EMILIN2: variants seen among roughly 807,000 people sequenced by gnomAD.
EMILIN2 encodes the protein EMILIN-2.
A neutral mutation model predicts 87.1 loss-of-function variants in EMILIN2; 71 were observed. That is an observed-to-expected ratio of 0.82 (90% CI 0.67 to 0.99). The LOEUF (loss-of-function observed/expected upper bound fraction) is 0.99, where lower values mean the gene tolerates loss of function less well. EMILIN2 is among the 50% of genes least tolerant of loss of function. EMILIN2 has a pLI of 0.00. For synonymous variants in EMILIN2, 581 were observed against 563.4 expected, an observed-to-expected ratio of 1.03 and a Z score of -0.44; for missense variants, 1,407 against 1,371.8, an observed-to-expected ratio of 1.03 and a Z score of -0.40.
intron 2 of EMILIN2, 22 bp from the exon 3 acceptor site, chr18:2,884,942 A>C: frequency 6.4e-7 from 1 of 1,559,482 alleles, no homozygotes; most frequent in Non-Finnish European, 8.7e-7. Flanking sequence ...GTAAAGAGAG[A>C]TGCCATCCCT....
At chr18:2,858,739 G>A (rs1432888590) in intron 2 of EMILIN2, among the ~76,000 whole-genome samples, 1 of 150,930 alleles carries the variant, frequency 6.6e-6, no homozygotes, top group Non-Finnish European at 1.5e-5. Context: ...GAGTTCAAAT[G>A]ATTGTCCCAC....
At chr18:2,871,974 A>C (rs529918655) in intron 2 of EMILIN2, among the ~76,000 whole-genome samples, 30 of 152,296 alleles carry the variant, frequency 2.0e-4, no homozygotes, top group Middle Eastern at 3.4e-3. Context: ...AAATGTTATA[A>C]ATCTTAGTTG....
chr18:2,862,544 C>G (rs545653478), intron 2 of EMILIN2, among the ~76,000 whole-genome samples: 19 of 152,308 alleles, frequency 1.2e-4, no homozygotes, highest in African/African-American at 4.6e-4. Context: ...ATATGTTGAA[C>G]CAGCCTTGCA....
chr18:2,888,724 AAAAAAAAG>A (rs1673419485), intron 3 of EMILIN2, among the ~76,000 whole-genome samples: 1 of 151,648 alleles, frequency 6.6e-6, no homozygotes, highest in South Asian at 2.1e-4. Flanking sequence ...CAAAAAAAAA[AAAAAAAAG>A]AGAGAGAGAG....
In EMILIN2 at chr18:2,847,920, G is replaced by T. The variant is rs2143940640; in HGVS notation, c.246G>T (p.Pro82=). 1.2e-6 allele frequency: 2 copies of T among 1,611,096 alleles called. No homozygotes were observed. The highest frequency in any genetic ancestry group is 1.7e-6 in the Non-Finnish European group (2 of 1,179,478). ...GTGCCTGGAACCAGATGCCCTGTCC[G>T]TCGGCGCTGGTGTAAGTCCTGGAGC... ...YNCAWNQMPC[P]SALVYRVNFR... Residue 82 remains proline (P), a synonymous_variant, in exon 2 of 8, where the codon CCG becomes CCT. Transcript: ENST00000254528. This position sits in a 1 kb window ranked among gnomAD's most constrained non-coding sequence, Gnocchi z 4.5.
At position 2,847,989 on chromosome 18, in the gene EMILIN2, G is replaced by T; in HGVS notation, c.257+58G>T. Reference sequence around the variant, plus strand: ...CGCCCGGGCCGGGGCGGTGGGGGTGGGGTGGGGTTGCTGCGCTGGGCTCCA... The same window carrying T: ...CGCCCGGGCCGGGGCGGTGGGGGTGTGGTGGGGTTGCTGCGCTGGGCTCCA... On this transcript the variant is annotated intron_variant, in intron 2 of 7. Coordinates refer to ENST00000254528, the MANE Select transcript of EMILIN2 (RefSeq NM_032048.3). The surrounding 1 kb of genome is among the most constrained non-coding windows in gnomAD (Gnocchi z 4.5). 6.6e-7 allele frequency: 1 copy of T among 1,504,336 alleles called. No individual in the cohort carries two copies. Among genetic ancestry groups the T allele is most frequent in the South Asian group, 1.2e-5 (1 of 80,054 alleles). The allele number at this position is 1,504,336 out of a possible 1,614,324, so 93.2% of individuals were successfully genotyped here.
Position 2,913,688 on chromosome 18 carries a change from G to C in EMILIN2, c.*284G>C, listed in dbSNP as rs2076953597. On this transcript the variant is annotated 3_prime_UTR_variant, in exon 8 of 8. Transcript: ENST00000254528. ...CTGTATCTACACTCTGAGGGCCCTG[G>C]ACTGGGCCTGAGCTTGCCACAGAGG... is the stretch of plus-strand genomic sequence containing the variant. 5.5e-6 allele frequency: 2 copies of C among 366,500 alleles called. No homozygotes were observed. The highest frequency in any genetic ancestry group is 4.5e-5 in the Admixed American group (1 of 22,248). 22.7% of individuals were successfully genotyped at this position (366,500 alleles called of 1,614,324 possible). A position where few individuals can be genotyped will look rare whatever the true frequency, so the allele number is the denominator to read the frequency against.
At chr18:2,877,983 G>T (rs1016768125) in intron 2 of EMILIN2, among the ~76,000 whole-genome samples, 1 of 152,186 alleles carries the variant, frequency 6.6e-6, no homozygotes, top group Non-Finnish European at 1.5e-5. Context: ...GCACTCAAAT[G>T]AGGTATAAGA....
At chr18:2,900,620 G>A (rs757884656) in intron 4 of EMILIN2, among the ~76,000 whole-genome samples, 11 of 152,066 alleles carry the variant, frequency 7.2e-5, no homozygotes, top group Non-Finnish European at 1.2e-4. Flanking sequence ...CTCCTGTCCC[G>A]CAGGGGAGAC....
Position 2,913,076 on chromosome 18 carries a change from CG to C in EMILIN2, c.2836del (p.Ala946LeufsTer8), listed in dbSNP as rs2076949318. 1 of 1,609,480 alleles carries C rather than the reference CG, an allele frequency of 6.2e-7. No individual in the cohort carries two copies. Among genetic ancestry groups the C allele is most frequent in the Non-Finnish European group, 8.5e-7 (1 of 1,179,968 alleles). ...DVYNPSTGVFTAPYDGRYLIT... is the reference protein window; with the variant it reads ...DVYNPSTGVFXAPYDGRYLIT... ...GCCTTTCTCCCCGCAGGGGTCTTCA[CG>C]GCTCCTTATGATGGGCGCTACCTGA... On this transcript the variant is annotated frameshift_variant, in exon 8 of 8. Coordinates refer to ENST00000254528, the MANE Select transcript of EMILIN2 (RefSeq NM_032048.3). LOFTEE classifies it high-confidence loss of function.
In EMILIN2 at chr18:2,913,524, A is replaced by C; in HGVS notation, c.*120A>C. ...GAGTTTCCACATAGGCCCCAACATAAAGGCCTTCCCTCGCTGTTGAGGCCA... is the reference window on the plus strand; with the variant it reads ...GAGTTTCCACATAGGCCCCAACATACAGGCCTTCCCTCGCTGTTGAGGCCA... On this transcript the variant is annotated 3_prime_UTR_variant, in exon 8 of 8. Coordinates refer to ENST00000254528, the MANE Select transcript of EMILIN2 (RefSeq NM_032048.3). The C allele has an allele frequency of 3.8e-6, 3 of 791,732 alleles. No homozygotes were observed. Among genetic ancestry groups the C allele is most frequent in the Non-Finnish European group, 3.9e-6 (2 of 513,046 alleles). 49.0% of individuals were successfully genotyped at this position (791,732 alleles called of 1,614,324 possible).
chr18:2,877,785 A>G (rs1228040734), intron 2 of EMILIN2, among the ~76,000 whole-genome samples: 1 of 151,850 alleles, frequency 6.6e-6, no homozygotes, highest in Non-Finnish European at 1.5e-5. Context: ...CTCAAAAAAA[A>G]AAAAAAAGAA....
At chr18:2,909,248 C>T (rs1367227958) in intron 6 of EMILIN2, among the ~76,000 whole-genome samples, 1 of 152,224 alleles carries the variant, frequency 6.6e-6, no homozygotes, top group Non-Finnish European at 1.5e-5. Flanking sequence ...CCAAGGGGAT[C>T]ACTGGGTGGG....
chr18:2,849,391 A>G (rs1338771355), intron 2 of EMILIN2, among the ~76,000 whole-genome samples: 1 of 152,238 alleles, frequency 6.6e-6, no homozygotes, highest in African/African-American at 2.4e-5. Flanking sequence ...TCGGAGATAA[A>G]TGAATTTTTC....
chr18:2,847,021 A>G lies in EMILIN2; in HGVS notation c.-168A>G. On this transcript the variant is annotated 5_prime_UTR_variant, in exon 1 of 8. Coordinates refer to ENST00000254528, the MANE Select transcript of EMILIN2 (RefSeq NM_032048.3). This position sits in a 1 kb window ranked among gnomAD's most constrained non-coding sequence, Gnocchi z 4.5. ...ACGGGGCTGCAGAAGGAGAAGTAGG[A>G]ACGAGAAGCCGGAGGGGGCGGCCGC... 1 of 1,050,892 alleles carries G rather than the reference A, an allele frequency of 9.5e-7. No individual in the cohort carries two copies. Among genetic ancestry groups the G allele is most frequent in the Non-Finnish European group, 1.2e-6 (1 of 866,860 alleles). 65.1% of individuals were successfully genotyped at this position (1,050,892 alleles called of 1,614,324 possible).
chr18:2,908,465 A>G (rs2076925287), intron 5 of EMILIN2, among the ~76,000 whole-genome samples: 1 of 152,128 alleles, frequency 6.6e-6, no homozygotes, highest in African/African-American at 2.4e-5. Context: ...CCACACATCA[A>G]GCCGTGCACT....
In EMILIN2 at chr18:2,894,262, A is replaced by G. The variant is rs192751426; in HGVS notation, c.2359+1776A>G. Among the ~76,000 whole-genome samples the G allele has an allele frequency of 1.9e-3, 292 of 152,234 alleles. No individual in the cohort carries two copies. Among genetic ancestry groups the G allele is most frequent in the African/African-American group, 6.5e-3 (272 of 41,544 alleles). Reference sequence around the variant, plus strand: ...CAGGAGGGTGGAGAGGGTCCGAGGTAGGTGGGAAAATGCCCTGGATGTCCC... The same window carrying G: ...CAGGAGGGTGGAGAGGGTCCGAGGTGGGTGGGAAAATGCCCTGGATGTCCC... On this transcript the variant is annotated intron_variant, in intron 4 of 7. Transcript: ENST00000254528. This position sits in a 1 kb window ranked among gnomAD's most constrained non-coding sequence, Gnocchi z 5.0.
chr18:2,892,651 A>G (rs1331462582), intron 4 of EMILIN2, among the ~76,000 whole-genome samples, 165 bp downstream of exon 4: 1 of 152,068 alleles, frequency 6.6e-6, no homozygotes, highest in Non-Finnish European at 1.5e-5. Context: ...ACTAAATGCC[A>G]TCAGTCCTAC....
In EMILIN2 at chr18:2,848,132, A is replaced by AGTGGGGAGGATGCGCGCGCCTCGGGAGT. The variant is rs2076585613; in HGVS notation, c.257+208_257+235dup. On this transcript the variant is annotated intron_variant, in intron 2 of 7. Transcript: ENST00000254528. This position sits in a 1 kb window ranked among gnomAD's most constrained non-coding sequence, Gnocchi z 4.1. ...TTAGGGAGTGGGTGCTGCCCGAGTG[A>AGTGGGGAGGATGCGCGCGCCTCGGGAGT]GTGGGGAGGATGCGCGCGCCTCGGG... Among the ~76,000 whole-genome samples, 3 of 151,926 alleles carry AGTGGGGAGGATGCGCGCGCCTCGGGAGT rather than the reference A, an allele frequency of 2.0e-5. No homozygotes were observed. The highest frequency in any genetic ancestry group is 7.3e-5 in the African/African-American group (3 of 41,356).
Sources: gnomAD v4.1 joint callset for allele counts (sites outside exome capture counted in the v4.1 genomes callset) on GRCh38, gnomAD v4.1.1 for gene constraint, Gnocchi (gnomAD v3.1) non-coding constraint, MANE v1.5 for transcripts, NCBI Gene and HGNC (gene_info 2026-07-23, HGNC 2026-07-21) for gene names.